The following WDPCP variants were observed in gnomAD, a reference collection of about 807,000 sequenced individuals.
WDPCP encodes WD repeat containing planar cell polarity effector, also known as WD repeat-containing and planar cell polarity effector protein fritz homolog.
WDPCP carries 71 observed loss-of-function variants against 93.1 expected under a neutral mutation model. That is an observed-to-expected ratio of 0.76 (90% CI 0.63 to 0.93). The LOEUF (loss-of-function observed/expected upper bound fraction) is 0.93, where lower values mean the gene tolerates loss of function less well. Among genes scored for constraint, WDPCP ranks in the 40% least tolerant of loss-of-function variants. The probability of loss-of-function intolerance (pLI) is 0.00; values close to 1 mark genes in which losing one functional copy is unlikely to be tolerated. For synonymous variants in WDPCP, 315 were observed against 315.0 expected, an observed-to-expected ratio of 1.00 and a Z score of 0.00; for missense variants, 844 against 887.4, an observed-to-expected ratio of 0.95 and a Z score of 0.62.
chr2:63,520,073 G>A (rs1007877551), intron 1 of WDPCP, among the ~76,000 whole-genome samples: 4 of 152,022 alleles, frequency 2.6e-5, no homozygotes, highest in Admixed American at 1.3e-4. Context: ...ACACACTACA[G>A]GAATTTCATA....
At chr2:63,391,850 G>T (rs1337235344) in intron 10 of WDPCP, among the ~76,000 whole-genome samples, 1 of 152,130 alleles carries the variant, frequency 6.6e-6, no homozygotes, top group African/African-American at 2.4e-5. Flanking sequence ...ACCTCTTCAA[G>T]GAGAACTAGA....
chr2:63,179,582 C>A (rs1374777254), intron 14 of WDPCP, among the ~76,000 whole-genome samples: 1 of 151,824 alleles, frequency 6.6e-6, no homozygotes, highest in Non-Finnish European at 1.5e-5. Flanking sequence ...TGAGTAGATG[C>A]CAGCACTGTG....
rs961664693 is a variant in WDPCP at position 63,437,590 on chromosome 2, A to G, written c.500-36T>C. On this transcript the variant is annotated intron_variant, in intron 7 of 17. Transcript: ENST00000272321. ...TAATTAGATATTACCAAGTTAGAAT[A>G]AAATAATGAATAGATTTTTCCACTG... The G allele has an allele frequency of 5.2e-6, 8 of 1,528,590 alleles. No homozygotes were observed. The Admixed American group carries it at 1.2e-4, about 23-fold the overall frequency. 94.7% of individuals were successfully genotyped at this position (1,528,590 alleles called of 1,614,324 possible).
chr2:63,770,847 G>A (rs531753631), intron 2 of WDPCP, among the ~76,000 whole-genome samples: 1 of 151,810 alleles, frequency 6.6e-6, no homozygotes, highest in Non-Finnish European at 1.5e-5. Context: ...GATTAAGCCT[G>A]ACATTAAAAG....
chr2:63,638,770 CAGAG>C (rs1224302161), intron 3 of WDPCP, among the ~76,000 whole-genome samples: 2 of 148,748 alleles, frequency 1.3e-5, no homozygotes, highest in Non-Finnish European at 3.0e-5. Context: ...GCCTGGGTGA[CAGAG>C]GGAGCTTCTG....
At chr2:63,454,286 A>G (rs1424015708) in intron 6 of WDPCP, among the ~76,000 whole-genome samples, 3 of 151,968 alleles carry the variant, frequency 2.0e-5, no homozygotes, top group African/African-American at 4.8e-5. Context: ...GTTCTCACTC[A>G]TAAGTGGGCA....
intron 2 of WDPCP, among the ~76,000 whole-genome samples, chr2:63,792,347 A>C (rs1044451238): frequency 2.6e-5 from 4 of 152,108 alleles, no homozygotes; most frequent in African/African-American, 9.7e-5. Context: ...AAACCATCAG[A>C]TCTCATGAGA....
intron 1 of WDPCP, among the ~76,000 whole-genome samples, chr2:63,820,618 C>T (rs1416169485): frequency 6.6e-6 from 1 of 152,118 alleles, no homozygotes; most frequent in African/African-American, 2.4e-5. Flanking sequence ...GACTTTGCCT[C>T]CCTTAGAAGC....
intron 1 of WDPCP, among the ~76,000 whole-genome samples, chr2:63,558,454 G>A (rs945004284): frequency 6.6e-6 from 1 of 151,782 alleles, no homozygotes; most frequent in African/African-American, 2.4e-5. Flanking sequence ...GCTTGAACCA[G>A]GGTGTCAGAG....
chr2:63,609,630 G>A (rs1246654835), intron 3 of WDPCP, among the ~76,000 whole-genome samples: 2 of 152,146 alleles, frequency 1.3e-5, no homozygotes, highest in Non-Finnish European at 2.9e-5. Context: ...TGACTCATGC[G>A]TGTAATCCCA....
At chr2:63,486,837 G>GCTTC (rs1186464878) in intron 3 of WDPCP, among the ~76,000 whole-genome samples, 1 of 151,916 alleles carries the variant, frequency 6.6e-6, no homozygotes, top group African/African-American at 2.4e-5. Flanking sequence ...AATATCCTGA[G>GCTTC]CTTCCAATCT....
At chr2:63,484,713 A>G (rs753570113) in intron 5 of WDPCP, 50 bp from the exon 6 acceptor site, 10 of 1,608,852 alleles carry the variant, frequency 6.2e-6, no homozygotes, top group African/African-American at 4.0e-5. Context: ...ACACATTGTC[A>G]TTATCAGTTA....
intron 2 of WDPCP, among the ~76,000 whole-genome samples, chr2:63,806,570 C>T (rs1208702278): frequency 2.0e-5 from 3 of 152,092 alleles, no homozygotes; most frequent in African/African-American, 2.4e-5. Flanking sequence ...ATTTATTAGG[C>T]GGTAATTTCC....
chr2:63,470,949 C>A (rs1203318128), intron 6 of WDPCP, among the ~76,000 whole-genome samples: 1 of 151,858 alleles, frequency 6.6e-6, no homozygotes, highest in Non-Finnish European at 1.5e-5. Context: ...ATGGTTTACT[C>A]CCTCACTTCC....
At chr2:63,671,071 ATTT>A (rs1325778100) in intron 2 of WDPCP, among the ~76,000 whole-genome samples, 3 of 152,084 alleles carry the variant, frequency 2.0e-5, no homozygotes, top group Non-Finnish European at 4.4e-5. Context: ...CAGCTTTGAG[ATTT>A]TTAGAGAGGC....
intron 9 of WDPCP, among the ~76,000 whole-genome samples, chr2:63,429,844 G>A (rs1696598846): frequency 6.6e-6 from 1 of 152,082 alleles, no homozygotes; most frequent in African/African-American, 2.4e-5. Context: ...GGTATACACT[G>A]AAAAGAAAAT....
At chr2:63,126,608 T>C (rs1444074300) in intron 17 of WDPCP, among the ~76,000 whole-genome samples, 1 of 152,042 alleles carries the variant, frequency 6.6e-6, no homozygotes, top group Non-Finnish European at 1.5e-5. Flanking sequence ...AAACACAGTT[T>C]TAACTTGTAT....
chr2:63,712,283 T>C (rs6730863), intron 2 of WDPCP, among the ~76,000 whole-genome samples: 30,259 of 152,172 alleles, frequency 0.2, 3,266 homozygotes, highest in Middle Eastern at 0.28. Context: ...ACCCAGGTGT[T>C]ATCCAAAAAT....
At chr2:63,545,847 C>T (rs1402463737) in intron 1 of WDPCP, among the ~76,000 whole-genome samples, 2 of 146,346 alleles carry the variant, frequency 1.4e-5, no homozygotes, top group South Asian at 2.2e-4. Context: ...CTGAACGAGG[C>T]GCTCAGATTT....
Sources: allele counts gnomAD v4.1 joint callset (sites outside exome capture counted in the v4.1 genomes callset), GRCh38; gene constraint gnomAD v4.1.1; transcripts MANE v1.5; gene names NCBI Gene and HGNC (gene_info 2026-07-23, HGNC 2026-07-21).